The following ETV6 variants were observed in gnomAD, a reference collection of about 807,000 sequenced individuals.
ETV6 encodes transcription factor ETV6.
ETV6 carries 16 observed loss-of-function variants against 51.1 expected under a neutral mutation model. The observed-to-expected ratio is 0.31, with a 90% CI of 0.21 to 0.48. ETV6 has a LOEUF of 0.48. ETV6 is among the 20% of genes least tolerant of loss of function. ETV6 has a pLI of 0.99. For missense variants in ETV6, 458 were observed against 594.8 expected, an observed-to-expected ratio of 0.77 and a Z score of 2.39; for synonymous variants, 240 against 224.1, an observed-to-expected ratio of 1.07 and a Z score of -0.64.
At chr12:11,883,276 C>CCTTTTTT (rs1947129956) in intron 5 of ETV6, among the ~76,000 whole-genome samples, 6 of 79,118 alleles carry the variant, frequency 7.6e-5, no homozygotes, top group African/African-American at 4.4e-4. Context: ...ATGTCTTCTT[C>CCTTTTTT]TTTTTTTTTT....
intron 1 of ETV6, among the ~76,000 whole-genome samples, chr12:11,732,196 C>T (rs960775001): frequency 1.3e-5 from 2 of 152,170 alleles, no homozygotes; most frequent in Non-Finnish European, 2.9e-5. Context: ...TAGTGCAGTT[C>T]GAGGTACGTG....
intron 1 of ETV6, among the ~76,000 whole-genome samples, chr12:11,650,941 G>C (rs1177000522): frequency 6.6e-6 from 1 of 152,208 alleles, no homozygotes; most frequent in African/African-American, 2.4e-5. Flanking sequence ...TGTAAATGCA[G>C]GGCGGTAGAT....
intron 2 of ETV6, among the ~76,000 whole-genome samples, chr12:11,812,965 C>T (rs1303052556): frequency 6.6e-6 from 1 of 152,176 alleles, no homozygotes; most frequent in Non-Finnish European, 1.5e-5. Flanking sequence ...ATTCCGGAGG[C>T]CCCAGGAACC....
intron 1 of ETV6, among the ~76,000 whole-genome samples, chr12:11,747,142 G>A (rs1301815695): frequency 6.6e-6 from 1 of 152,140 alleles, no homozygotes; most frequent in Non-Finnish European, 1.5e-5. Flanking sequence ...AACCTAGAGA[G>A]GAGACTTCAG....
chr12:11,671,527 G>T (rs143874499), intron 1 of ETV6, among the ~76,000 whole-genome samples: 84 of 152,282 alleles, frequency 5.5e-4, no homozygotes, highest in African/African-American at 2.0e-3. Flanking sequence ...TATTTAAGGC[G>T]ATGGATATAC....
intron 1 of ETV6, among the ~76,000 whole-genome samples, chr12:11,739,390 G>A (rs1865767457): frequency 6.6e-6 from 1 of 152,218 alleles, no homozygotes; most frequent in African/African-American, 2.4e-5. Context: ...CCAACCTGCA[G>A]TGCACATGCT....
At chr12:11,690,756 G>A (rs1350003459) in intron 1 of ETV6, among the ~76,000 whole-genome samples, 11 of 151,814 alleles carry the variant, frequency 7.2e-5, no homozygotes, top group African/African-American at 1.7e-4. Context: ...GTGTGGTGGC[G>A]GGCGCCGGTA....
intron 1 of ETV6, among the ~76,000 whole-genome samples, chr12:11,689,613 T>G (rs548307611): frequency 6.6e-6 from 1 of 151,028 alleles, no homozygotes; most frequent in East Asian, 1.9e-4. Context: ...TCCCTAGCTT[T>G]TTTTAAAAGA....
At chr12:11,740,902 T>C (rs1430967197) in intron 1 of ETV6, among the ~76,000 whole-genome samples, 1 of 152,188 alleles carries the variant, frequency 6.6e-6, no homozygotes, top group Admixed American at 6.5e-5. Context: ...GTTATGTGGT[T>C]CATTCAGGGA....
chr12:11,830,827 G>A (rs1177406484), intron 2 of ETV6, among the ~76,000 whole-genome samples: 1 of 152,206 alleles, frequency 6.6e-6, no homozygotes, highest in Non-Finnish European at 1.5e-5. Flanking sequence ...AAGATGCATT[G>A]AGGAGCATTG....
chr12:11,761,169 T>G (rs1945081373), intron 2 of ETV6, among the ~76,000 whole-genome samples: 1 of 152,162 alleles, frequency 6.6e-6, no homozygotes, highest in South Asian at 2.1e-4. Flanking sequence ...TGAAAGTTGT[T>G]TCATTCTATC....
chr12:11,866,488 CTT>C (rs920754181), intron 4 of ETV6, among the ~76,000 whole-genome samples: 3 of 152,158 alleles, frequency 2.0e-5, no homozygotes, highest in African/African-American at 7.2e-5. Context: ...AGAGTATTGA[CTT>C]TTGTTCTAGG....
chr12:11,870,074 G>A (rs142547773), intron 5 of ETV6, 105 bp downstream of exon 5: 60 of 1,325,776 alleles, frequency 4.5e-5, no homozygotes, highest in Middle Eastern at 2.7e-4. Flanking sequence ...CCAATTAGGC[G>A]CCCTCCAAGG....
rs187096226 is a variant in ETV6, at chr12:11,847,731, G to A, written c.329-5696G>A. On this transcript the variant is annotated intron_variant, in intron 3 of 7. Coordinates refer to ENST00000396373, the MANE Select transcript of ETV6 (RefSeq NM_001987.5). ...GTGGGAGTGGGAACCAGAATGGAAG[G>A]TGAGGAAGTGGTGAGAATGGTGTTG... Among the ~76,000 whole-genome samples, 8 of 152,208 alleles carry A rather than the reference G, an allele frequency of 5.3e-5. No individual in the cohort carries two copies. The South Asian group carries it at 1.0e-3, about 20-fold the overall frequency.
chr12:11,741,857 T>C (rs1297344822), intron 1 of ETV6, among the ~76,000 whole-genome samples: 3 of 152,252 alleles, frequency 2.0e-5, no homozygotes, highest in Non-Finnish European at 4.4e-5. Flanking sequence ...AAGACAGTGA[T>C]TCGCAACTTT....
chr12:11,708,172 T>C (rs567229889), intron 1 of ETV6, among the ~76,000 whole-genome samples: 82 of 152,030 alleles, frequency 5.4e-4, no homozygotes, highest in African/African-American at 1.9e-3. Context: ...TTGATCTCTT[T>C]AACCTAAATT....
rs149532047 is a variant in ETV6 at position 11,679,562 on chromosome 12, G to A, written c.33+29402G>A. On this transcript the variant is annotated intron_variant, in intron 1 of 7. Coordinates refer to ENST00000396373, the MANE Select transcript of ETV6 (RefSeq NM_001987.5). Reference sequence around the variant, plus strand: ...CTTTTCTTTCCTTCTTGCTGGGTTTGCCACAAAGCATGTTGAATGGTCTTG... The same window carrying A: ...CTTTTCTTTCCTTCTTGCTGGGTTTACCACAAAGCATGTTGAATGGTCTTG... Among the ~76,000 whole-genome samples, 3 of 152,320 alleles carry A rather than the reference G, an allele frequency of 2.0e-5. No individual in the cohort carries two copies. The East Asian group carries it at 5.8e-4, about 29-fold the overall frequency.
chr12:11,855,284 C>T (rs111286385), intron 4 of ETV6, among the ~76,000 whole-genome samples: 6,041 of 152,064 alleles, frequency 0.04, 173 homozygotes, highest in Non-Finnish European at 0.06. Context: ...CCAGCCTGGG[C>T]GACAGAGCGA....
At chr12:11,670,640 C>T (rs1232343937) in intron 1 of ETV6, among the ~76,000 whole-genome samples, 3 of 152,172 alleles carry the variant, frequency 2.0e-5, no homozygotes, top group African/African-American at 7.2e-5. Flanking sequence ...GGAACAAAAG[C>T]AGAGAAGCTC....
Sources: allele counts gnomAD v4.1 joint callset (sites outside exome capture counted in the v4.1 genomes callset), GRCh38; gene constraint gnomAD v4.1.1; transcripts MANE v1.5; gene names NCBI Gene and HGNC (gene_info 2026-07-23, HGNC 2026-07-21).